Variants in CSNK1A1 observed in about 807,000 individuals in gnomAD.
CSNK1A1 encodes casein kinase 1 alpha 1.
A neutral mutation model predicts 46.1 loss-of-function variants in CSNK1A1; 7 were observed. That is an observed-to-expected ratio of 0.15 (90% CI 0.09 to 0.29). CSNK1A1 has a LOEUF of 0.29. Ranked by LOEUF, CSNK1A1 falls within the 10% of genes least tolerant of loss-of-function variation. CSNK1A1 has a pLI of 1.00. For missense variants in CSNK1A1, 96 were observed against 417.1 expected (o/e 0.23, Z 6.71); for synonymous variants, 137 against 141.5 (o/e 0.97, Z 0.23).
chr5:149,516,854 G>A (rs1037399798), intron 4 of CSNK1A1, among the ~76,000 whole-genome samples: 2 of 152,080 alleles, frequency 1.3e-5, no homozygotes, highest in South Asian at 2.1e-4. Context: ...TATGGAAAAG[G>A]GTTAAATGAT....
chr5:149,547,974 T>C (rs974528370), intron 2 of CSNK1A1, among the ~76,000 whole-genome samples: 1 of 152,012 alleles, frequency 6.6e-6, no homozygotes, highest in Non-Finnish European at 1.5e-5. Context: ...GGGTTCAAGC[T>C]ATTCTCCTGC....
chr5:149,498,249 A>G (rs530995304), intron 9 of CSNK1A1: 2 of 985,078 alleles, frequency 2.0e-6, no homozygotes, highest in Non-Finnish European at 2.4e-6. Flanking sequence ...GGGAAATAAT[A>G]GCGAACATAC....
intron 2 of CSNK1A1, among the ~76,000 whole-genome samples, chr5:149,538,063 C>A (rs567292903): frequency 2.5e-4 from 30 of 121,158 alleles, no homozygotes; most frequent in Non-Finnish European, 8.0e-5. Context: ...GCTCTTGTTG[C>A]CCGGGCTGGA....
rs530427837 is a variant in CSNK1A1, at chr5:149,496,220, T to G, written c.*633A>C. ...GTCCTAAGGATAATCTAGTAGTCAC[T>G]AAGTTTTTCTTAAGTCTTCACTTTA... is the stretch of plus-strand genomic sequence containing the variant. On this transcript the variant is annotated 3_prime_UTR_variant, in exon 10 of 10. Coordinates refer to ENST00000377843, the MANE Select transcript of CSNK1A1 (RefSeq NM_001892.6). 1 of 152,816 alleles carries G rather than the reference T, an allele frequency of 6.5e-6. No individual in the cohort carries two copies. Among genetic ancestry groups the G allele is most frequent in the East Asian group, 1.9e-4 (1 of 5,188 alleles). 9.5% of individuals were successfully genotyped at this position (152,816 alleles called of 1,614,324 possible). A position where few individuals can be genotyped will look rare whatever the true frequency, so the allele number is the denominator to read the frequency against.
chr5:149,541,714 G>A (rs368890626), intron 2 of CSNK1A1, among the ~76,000 whole-genome samples: 4 of 151,696 alleles, frequency 2.6e-5, no homozygotes, highest in Admixed American at 6.6e-5. Flanking sequence ...GGTGGCTCAC[G>A]CCTGTAATCC....
chr5:149,503,050 G>A, intron 9 of CSNK1A1: 1 of 984,524 alleles, frequency 1.0e-6, no homozygotes, highest in Non-Finnish European at 1.2e-6. Flanking sequence ...ACAGGCGTGA[G>A]CCACTGCACC....
chr5:149,516,353 A>T (rs955483767), intron 4 of CSNK1A1, among the ~76,000 whole-genome samples: 6 of 152,204 alleles, frequency 3.9e-5, no homozygotes, highest in Middle Eastern at 3.4e-3. Context: ...CCCCAAAAAA[A>T]ACAAAAAATA....
chr5:149,531,144 C>T (rs1199576729), intron 2 of CSNK1A1, among the ~76,000 whole-genome samples: 1 of 152,094 alleles, frequency 6.6e-6, no homozygotes, highest in East Asian at 1.9e-4. Flanking sequence ...TCTCCCCATA[C>T]ATCTCTTCTC....
At position 149,523,087 on chromosome 5, in the gene CSNK1A1, C is replaced by T. The variant is rs377475819; in HGVS notation, c.357+1958G>A. 2.0e-5 allele frequency among the ~76,000 whole-genome samples: 3 copies of T among 150,382 alleles called. No individual in the cohort carries two copies. The South Asian group carries it at 6.3e-4, about 31-fold the overall frequency. ...ACAGAGTCTCGTTCTATCCCCCAGG[C>T]TGGAGTGCAGTGGTGCGATCTCGGC... is the stretch of plus-strand genomic sequence containing the variant. On this transcript the variant is annotated intron_variant, in intron 3 of 9. Coordinates refer to ENST00000377843, the MANE Select transcript of CSNK1A1 (RefSeq NM_001892.6).
intron 2 of CSNK1A1, among the ~76,000 whole-genome samples, chr5:149,541,405 G>A (rs1317643031): frequency 6.6e-6 from 1 of 151,904 alleles, no homozygotes; most frequent in African/African-American, 2.4e-5. Flanking sequence ...CGCCCGCCTT[G>A]GCCTCCCAAA....
chr5:149,503,537 T>C, intron 9 of CSNK1A1: 13 of 985,082 alleles, frequency 1.3e-5, no homozygotes, highest in South Asian at 9.4e-5. Flanking sequence ...TGTGATAATT[T>C]GTATGACCAT....
At chr5:149,502,500 C>T (rs11959941) in intron 9 of CSNK1A1, 4,272 of 165,936 alleles carry the variant, frequency 0.026, 268 homozygotes, top group East Asian at 0.15. Context: ...CTCACTACTG[C>T]GCCTGGCGCT....
In CSNK1A1 at chr5:149,542,696, T is replaced by A. The variant is rs10875548; in HGVS notation, c.230+7379A>T. On this transcript the variant is annotated intron_variant, in intron 2 of 9. Transcript: ENST00000377843. Reference sequence around the variant, plus strand: ...TGTATATATATATATATATATATTTTTTTTTTTTTTTTTTTTTGAGACAGA... The same window carrying A: ...TGTATATATATATATATATATATTTATTTTTTTTTTTTTTTTTGAGACAGA... Among the ~76,000 whole-genome samples the A allele has an allele frequency of 4.6e-4, 24 of 51,628 alleles. 1 individual carries two copies. The highest frequency in any genetic ancestry group is 4.6e-3 in the South Asian group (6 of 1,302). 33.9% of individuals were successfully genotyped at this position (51,628 alleles called of 152,430 possible).
At chr5:149,545,854 T>A (rs1762463671) in intron 2 of CSNK1A1, 1 of 348,786 alleles carries the variant, frequency 2.9e-6, no homozygotes, top group Non-Finnish European at 5.3e-6. Flanking sequence ...GCTTCATTTC[T>A]TAAAATATCA....
chr5:149,528,360 A>G lies in CSNK1A1; in HGVS notation c.231-3189T>C, dbSNP rs1015187593. ...ACTTTCTTTTCTATGGACTGGTACTATAACTCCTTAAACCTAAGAGACAGG... is the reference window on the plus strand; with the variant it reads ...ACTTTCTTTTCTATGGACTGGTACTGTAACTCCTTAAACCTAAGAGACAGG... On this transcript the variant is annotated intron_variant, in intron 2 of 9. Transcript: ENST00000377843. Among the ~76,000 whole-genome samples the G allele has an allele frequency of 3.3e-5, 5 of 152,230 alleles. No homozygotes were observed. In the East Asian group the frequency reaches 7.7e-4, roughly 23 times the overall value.
Position 149,551,294 on chromosome 5 carries a change from TACCGCTGCC to T in CSNK1A1, c.-339_-331del, listed in dbSNP as rs1762651781. On this transcript the variant is annotated 5_prime_UTR_variant, in exon 1 of 10. Transcript: ENST00000377843. Reference sequence around the variant, plus strand: ...GGGGCGCGGTGAGCTAGGGCGGCGATACCGCTGCCACCACTGCCGCCGGCTCCGGCCCAG... The same window carrying T: ...GGGGCGCGGTGAGCTAGGGCGGCGATACCACTGCCGCCGGCTCCGGCCCAG... 3.9e-6 allele frequency: 1 copy of T among 255,826 alleles called. No individual in the cohort carries two copies. Among genetic ancestry groups the T allele is most frequent in the African/African-American group, 2.3e-5 (1 of 43,794 alleles). The allele number at this position is 255,826 out of a possible 1,614,324, so 15.8% of individuals were successfully genotyped here. A position where few individuals can be genotyped will look rare whatever the true frequency, so the allele number is the denominator to read the frequency against.
At chr5:149,516,374 C>A (rs986755441) in intron 4 of CSNK1A1, among the ~76,000 whole-genome samples, 3 of 151,532 alleles carry the variant, frequency 2.0e-5, no homozygotes, top group African/African-American at 4.8e-5. Flanking sequence ...AAACCAAAAA[C>A]CAAAAAAAGT....
At chr5:149,512,139 C>T (rs1761244072) in intron 5 of CSNK1A1, among the ~76,000 whole-genome samples, 1 of 151,822 alleles carries the variant, frequency 6.6e-6, no homozygotes, top group Non-Finnish European at 1.5e-5. Flanking sequence ...GGCTAAACAA[C>T]CCTCTAAATG....
chr5:149,549,302 G>A (rs953384856), intron 2 of CSNK1A1: 5 of 579,560 alleles, frequency 8.6e-6, no homozygotes, highest in Admixed American at 5.0e-5. Context: ...CGACTGAAAC[G>A]TGCCAAATAT....
Sources: allele counts gnomAD v4.1 joint callset (sites outside exome capture counted in the v4.1 genomes callset), GRCh38; gene constraint gnomAD v4.1.1; transcripts MANE v1.5; gene names NCBI Gene and HGNC (gene_info 2026-07-23, HGNC 2026-07-21).